Variants in CCM2L observed in about 807,000 individuals in gnomAD.
The protein encoded by CCM2L is cerebral cavernous malformations 2 protein-like.
Under a neutral mutation model 54.1 loss-of-function variants are expected in CCM2L, and 36 were observed. The ratio of observed to expected loss-of-function variants is 0.67; its 90% CI spans 0.51 to 0.88. The LOEUF (loss-of-function observed/expected upper bound fraction) is 0.88, where lower values mean the gene tolerates loss of function less well. CCM2L is among the 40% of genes least tolerant of loss of function. The pLI is 0.00. For missense variants in CCM2L, 700 were observed against 812.1 expected (o/e 0.86, Z 1.68); for synonymous variants, 351 against 359.3 (o/e 0.98, Z 0.26).
At chr20:32,015,607 T>C (rs933895540) in intron 2 of CCM2L, among the ~76,000 whole-genome samples, 1 of 152,238 alleles carries the variant, frequency 6.6e-6, no homozygotes, top group African/African-American at 2.4e-5. Context: ...TATGTGTGTG[T>C]GTGTAAGGTT....
In CCM2L at chr20:32,022,717, G is replaced by T; in HGVS notation, c.991G>T (p.Asp331Tyr). The T allele has an allele frequency of 6.2e-7, 1 of 1,614,088 alleles. No homozygotes were observed. Among genetic ancestry groups the T allele is most frequent in the South Asian group, 1.1e-5 (1 of 91,072 alleles). The change falls in exon 6 of 10, where the codon GAC (aspartate) becomes TAC (tyrosine). Residue 331 changes from aspartate to tyrosine, a missense_variant. By Grantham distance (160) the Asp-to-Tyr change is radical (BLOSUM62 -3). Coordinates refer to ENST00000452892, the MANE Select transcript of CCM2L (RefSeq NM_001365692.1). ...TCAGGTCTTCCAGATCATCTACGGG[G>T]ACCAGAGTATTGAGTGTGTGGACCG... is the stretch of plus-strand genomic sequence containing the variant. ...ICQVFQIIYG[D>Y]QSIECVDRAG...
In CCM2L at chr20:32,025,805, G is replaced by T. The variant is rs1350202850; in HGVS notation, c.1070-51G>T. ...GGTGGGGCCTCAGGGAGCAGGGGATGCTGATCCCTGCTTTGCTGCCTCTGA... is the reference window on the plus strand; with the variant it reads ...GGTGGGGCCTCAGGGAGCAGGGGATTCTGATCCCTGCTTTGCTGCCTCTGA... On this transcript the variant is annotated intron_variant, in intron 6 of 9. Transcript: ENST00000452892. 7.3e-6 allele frequency: 9 copies of T among 1,231,704 alleles called. No homozygotes were observed. In the Admixed American group the frequency reaches 9.2e-5, roughly 13 times the overall value. The allele number at this position is 1,231,704 out of a possible 1,614,324, so 76.3% of individuals were successfully genotyped here.
rs1420320262 is a variant in CCM2L, at chr20:32,018,993, G to T, written c.517G>T (p.Ala173Ser). The change falls in exon 5 of 10, where the codon GCA becomes TCA. Residue 173 changes from alanine (A) to serine (S), a missense_variant. Physicochemically the swap from Ala to Ser is moderately conservative, Grantham distance 99. Transcript: ENST00000452892. ...PAGVDASPGG[A>S]GRDPGPPGGA... Reference sequence around the variant, plus strand: ...CGGCGTGGATGCCAGCCCAGGCGGCGCAGGACGCGACCCCGGCCCGCCAGG... The same window carrying T: ...CGGCGTGGATGCCAGCCCAGGCGGCTCAGGACGCGACCCCGGCCCGCCAGG... 3.6e-6 allele frequency: 5 copies of T among 1,383,600 alleles called. No individual in the cohort carries two copies. Among genetic ancestry groups the T allele is most frequent in the Non-Finnish European group, 4.7e-6 (5 of 1,073,214 alleles). The allele number at this position is 1,383,600 out of a possible 1,614,324, so 85.7% of individuals were successfully genotyped here.
In CCM2L at chr20:32,010,462, A is replaced by G. The variant is rs1340353731; in HGVS notation, c.8A>G (p.Tyr3Cys). The G allele has an allele frequency of 1.9e-5, 26 of 1,399,990 alleles. No homozygotes were observed. The highest frequency in any genetic ancestry group is 2.4e-5 in the Non-Finnish European group (25 of 1,050,176). The allele number at this position is 1,399,990 out of a possible 1,614,324, so 86.7% of individuals were successfully genotyped here. A position where few individuals can be genotyped will look rare whatever the true frequency, so the allele number is the denominator to read the frequency against. Residue 3 changes from tyrosine to cysteine, a missense_variant, in exon 1 of 10, where the codon TAT (tyrosine) becomes TGT (cysteine). By Grantham distance (194) the Tyr-to-Cys change is radical. Transcript: ENST00000452892. MEYEVKKGKKGFV... is the reference protein window; with the variant it reads MECEVKKGKKGFV... ...TAGAGGGGACATTTCACCATGGAATATGAAGTCAAGAAAGGGAAGAAGGTA... is the reference window on the plus strand; with the variant it reads ...TAGAGGGGACATTTCACCATGGAATGTGAAGTCAAGAAAGGGAAGAAGGTA...
chr20:32,022,726 A>G lies in CCM2L; in HGVS notation c.1000A>G (p.Ile334Val), dbSNP rs2064816698. 2 of 1,613,936 alleles carry G rather than the reference A, an allele frequency of 1.2e-6. No individual in the cohort carries two copies. The highest frequency in any genetic ancestry group is 4.5e-5 in the East Asian group (2 of 44,884). The part of the protein sequence containing the change: ...VFQIIYGDQS[I>V]ECVDRAGYHY... ...CCAGATCATCTACGGGGACCAGAGTATTGAGTGTGTGGACCGGGCTGGCTA... is the reference window on the plus strand; with the variant it reads ...CCAGATCATCTACGGGGACCAGAGTGTTGAGTGTGTGGACCGGGCTGGCTA... Residue 334 changes from isoleucine to valine, a missense_variant, in exon 6 of 10, where the codon ATT becomes GTT. Coordinates refer to ENST00000452892, the MANE Select transcript of CCM2L (RefSeq NM_001365692.1).
At position 32,015,177 on chromosome 20, in the gene CCM2L, G is replaced by A; in HGVS notation, c.198+106G>A. The A allele has an allele frequency of 2.5e-6, 3 of 1,210,584 alleles. No individual in the cohort carries two copies. The South Asian group carries it at 5.7e-5, about 23-fold the overall frequency. 75.0% of individuals were successfully genotyped at this position (1,210,584 alleles called of 1,614,324 possible). ...CCGTATCTCACACAGGGGAAGTTGT[G>A]GCTCATTGGAAAGAGGCCTGGGTTC... On this transcript the variant is annotated intron_variant, in intron 2 of 9. Coordinates refer to ENST00000452892, the MANE Select transcript of CCM2L (RefSeq NM_001365692.1).
At chr20:32,028,716 A>C in intron 7 of CCM2L, 1 of 450,494 alleles carries the variant, frequency 2.2e-6, no homozygotes. Context: ...AAGGGAGGGG[A>C]AAGGAGGCAA....
intron 2 of CCM2L, among the ~76,000 whole-genome samples, chr20:32,015,883 G>C (rs1439565716): frequency 6.1e-5 from 5 of 82,452 alleles, no homozygotes; most frequent in Admixed American, 3.7e-4. Context: ...TTGAGACAGA[G>C]TCTCATTCTG....
Position 32,031,956 on chromosome 20 carries a change from C to A in CCM2L, c.*642C>A, listed in dbSNP as rs1033520699. 3.3e-5 allele frequency: 5 copies of A among 152,176 alleles called. No homozygotes were observed. Among genetic ancestry groups the A allele is most frequent in the Non-Finnish European group, 5.9e-5 (4 of 68,050 alleles). 9.4% of individuals were successfully genotyped at this position (152,176 alleles called of 1,614,324 possible). ...TCAGGGGGATGATCTGGGTCCCATT[C>A]TGGTCTTAAGACCCCAAACAAGGGT... On this transcript the variant is annotated 3_prime_UTR_variant, in exon 10 of 10. Transcript: ENST00000452892.
At chr20:32,024,038 T>A (rs954932718) in intron 6 of CCM2L, among the ~76,000 whole-genome samples, 1 of 152,206 alleles carries the variant, frequency 6.6e-6, no homozygotes. Flanking sequence ...TGGCCACGAT[T>A]CCAGTTTTAC....
In CCM2L at chr20:32,017,818, T is replaced by G; in HGVS notation, c.217T>G (p.Trp73Gly). 1 of 1,614,096 alleles carries G rather than the reference T, an allele frequency of 6.2e-7. No individual in the cohort carries two copies. Among genetic ancestry groups the G allele is most frequent in the Non-Finnish European group, 8.5e-7 (1 of 1,180,000 alleles). The part of the protein sequence containing the change: ...KEVKFLGHLT[W>G]VTSSLNPSSR... ...CATCCAGTTCCTGGGCCACCTTACCTGGGTGACTTCCTCACTGAACCCCTC... is the reference window on the plus strand; with the variant it reads ...CATCCAGTTCCTGGGCCACCTTACCGGGGTGACTTCCTCACTGAACCCCTC... The change falls in exon 3 of 10, where the codon TGG becomes GGG. Residue 73 changes from tryptophan to glycine, a missense_variant. By Grantham distance (184) the Trp-to-Gly change is radical. Coordinates refer to ENST00000452892, the MANE Select transcript of CCM2L (RefSeq NM_001365692.1).
At chr20:32,010,963 G>A (rs951145336) in intron 1 of CCM2L, among the ~76,000 whole-genome samples, 2 of 152,138 alleles carry the variant, frequency 1.3e-5, no homozygotes, top group Admixed American at 6.5e-5. Context: ...CTACAAGGGC[G>A]TATGTAAGGC....
intron 1 of CCM2L, among the ~76,000 whole-genome samples, chr20:32,013,230 T>C (rs2064708922): frequency 6.6e-6 from 1 of 152,136 alleles, no homozygotes; most frequent in Non-Finnish European, 1.5e-5. Flanking sequence ...ACCTAAGAGA[T>C]CAAGGCTGCA....
intron 2 of CCM2L, among the ~76,000 whole-genome samples, chr20:32,017,244 C>A (rs751911562): frequency 1.3e-5 from 2 of 152,154 alleles, no homozygotes; most frequent in Non-Finnish European, 2.9e-5. Flanking sequence ...TTTTTCCTGA[C>A]AAAATGGTAT....
At chr20:32,014,788 C>T (rs1486758093) in intron 1 of CCM2L, 116 bp from the exon 2 acceptor site, 1 of 984,194 alleles carries the variant, frequency 1.0e-6, no homozygotes, top group Non-Finnish European at 1.5e-6. Flanking sequence ...ACAGAGGTAC[C>T]CCTTCTGCAG....
intron 6 of CCM2L, 100 bp downstream of exon 6, chr20:32,022,895 G>C (rs979542227): frequency 7.6e-7 from 1 of 1,315,498 alleles, no homozygotes. Flanking sequence ...GGTATTTAGG[G>C]CTCCTGATCT....
intron 2 of CCM2L, among the ~76,000 whole-genome samples, chr20:32,016,728 T>G (rs1413278818): frequency 6.6e-6 from 1 of 152,168 alleles, no homozygotes; most frequent in African/African-American, 2.4e-5. Context: ...CTGGCAACCC[T>G]ATATGGAGGG....
chr20:32,010,560 T>TGGGGGCCAACGGGGGGGGGGGGG, intron 1 of CCM2L, 76 bp downstream of exon 1: 1 of 105,750 alleles, frequency 9.5e-6, no homozygotes, highest in Admixed American at 1.3e-4. Flanking sequence ...TGGGGCGGGG[T>TGGGGGCCAACGGGGGGGGGGGGG]GGGGGGTCGG....
Position 32,017,877 on chromosome 20 carries a change from C to T in CCM2L, c.276C>T (p.Thr92=), listed in dbSNP as rs116674851. 6.2e-7 allele frequency: 1 copy of T among 1,613,976 alleles called. No homozygotes were observed. Among genetic ancestry groups the T allele is most frequent in the Non-Finnish European group, 8.5e-7 (1 of 1,180,006 alleles). ...ACGAGCTCCTGCAGCTGCTAGACAC[C>T]GCCAGGGTGAGACTCTGGGGAGGGA... ...SRDELLQLLD[T]ARQLKELPLK... The change falls in exon 3 of 10, where the codon ACC becomes ACT. Residue 92 remains threonine, a synonymous_variant. Coordinates refer to ENST00000452892, the MANE Select transcript of CCM2L (RefSeq NM_001365692.1).
Sources: gnomAD v4.1 joint callset for allele counts (sites outside exome capture counted in the v4.1 genomes callset) on GRCh38, gnomAD v4.1.1 for gene constraint, MANE v1.5 for transcripts, NCBI Gene and HGNC (gene_info 2026-07-23, HGNC 2026-07-21) for gene names.